Variants in EEPD1 observed in about 807,000 individuals in gnomAD.
EEPD1 encodes the protein endonuclease/exonuclease/phosphatase family domain-containing protein 1.
A neutral mutation model predicts 46.3 loss-of-function variants in EEPD1; 17 were observed. That is an observed-to-expected ratio of 0.37 (90% confidence interval 0.25 to 0.55). The LOEUF (loss-of-function observed/expected upper bound fraction) is 0.55, where lower values mean the gene tolerates loss of function less well. Among genes scored for constraint, EEPD1 ranks in the 20% least tolerant of loss-of-function variants. The pLI is 0.83. For missense variants in EEPD1, 673 were observed against 745.6 expected (o/e 0.90, Z 1.13); for synonymous variants, 313 against 315.6 (o/e 0.99, Z 0.09).
At position 36,200,616 on chromosome 7, in the gene EEPD1, T is replaced by C. The variant is rs2115701969; in HGVS notation, c.879-38369T>C. ...TTTCTCTCAAGGACATTGTGGGATG[T>C]TAGATTTGTCCTTCAGAACATTCCT... On this transcript the variant is annotated intron_variant, in intron 2 of 7. Transcript: ENST00000242108. 2.0e-5 allele frequency among the ~76,000 whole-genome samples: 3 copies of C among 152,360 alleles called. No homozygotes were observed. The Middle Eastern group carries it at 0.01, about 518-fold the overall frequency.
chr7:36,293,030 C>A (rs1447129777), intron 6 of EEPD1, among the ~76,000 whole-genome samples: 1 of 151,506 alleles, frequency 6.6e-6, no homozygotes, highest in Non-Finnish European at 1.5e-5. Context: ...AGAAAACTGC[C>A]TAGTTAAAAA....
chr7:36,160,679 G>T (rs112497580), intron 2 of EEPD1, among the ~76,000 whole-genome samples: 7 of 115,676 alleles, frequency 6.1e-5, no homozygotes, highest in African/African-American at 2.4e-4. Context: ...GAGGTGGTGG[G>T]GGGCGGGGCG....
Position 36,265,240 on chromosome 7 carries a change from T to C in EEPD1, c.931-15875T>C, listed in dbSNP as rs73690342. 6.8e-3 allele frequency among the ~76,000 whole-genome samples: 1,037 copies of C among 152,338 alleles called. 17 individuals are homozygous for C. Among genetic ancestry groups the C allele is most frequent in the African/African-American group, 0.024 (988 of 41,556 alleles). On this transcript the variant is annotated intron_variant, in intron 3 of 7. Transcript: ENST00000242108. ...CAACTCTGGCTTCTTCACAGAAATA[T>C]GCCTGGGAAGTTCTGGGAGCCTGGC...
At chr7:36,291,397 A>G (rs1188933154) in intron 6 of EEPD1, among the ~76,000 whole-genome samples, 1 of 152,114 alleles carries the variant, frequency 6.6e-6, no homozygotes, top group Non-Finnish European at 1.5e-5. Flanking sequence ...TGGCCTGGTG[A>G]CTTTGGACAA....
chr7:36,236,305 C>T lies in EEPD1; in HGVS notation c.879-2680C>T, dbSNP rs544046813. Among the ~76,000 whole-genome samples the T allele has an allele frequency of 2.1e-4, 32 of 152,284 alleles. No homozygotes were observed. In the South Asian group the frequency reaches 6.4e-3, roughly 31 times the overall value. On this transcript the variant is annotated intron_variant, in intron 2 of 7. Transcript: ENST00000242108. The stretch of plus-strand genomic sequence containing the variant: ...GGAAGTGTGAAGAGAGAGGCGCGGG[C>T]GGAAGCGGCGCTGGCGGGCCACGGG...
chr7:36,188,105 A>AT (rs1785394861), intron 2 of EEPD1, among the ~76,000 whole-genome samples: 1 of 152,054 alleles, frequency 6.6e-6, no homozygotes, highest in South Asian at 2.1e-4. Context: ...CTGTGCTGGT[A>AT]TTTTTTAAAA....
chr7:36,206,657 T>C (rs1269737692), intron 2 of EEPD1, among the ~76,000 whole-genome samples: 6 of 152,302 alleles, frequency 3.9e-5, no homozygotes, highest in Non-Finnish European at 8.8e-5. Flanking sequence ...AACAAAAGCA[T>C]TACACCTTCA....
chr7:36,173,199 G>C (rs1040814461), intron 2 of EEPD1, among the ~76,000 whole-genome samples: 1 of 151,926 alleles, frequency 6.6e-6, no homozygotes, highest in Non-Finnish European at 1.5e-5. Context: ...TAGTGAGTGA[G>C]TTCTGATGAG....
At chr7:36,271,652 T>A (rs998373972) in intron 3 of EEPD1, among the ~76,000 whole-genome samples, 2 of 147,086 alleles carry the variant, frequency 1.4e-5, no homozygotes, top group Non-Finnish European at 3.0e-5. Context: ...TTGTTGCCAT[T>A]GTTTTTGGTG....
chr7:36,197,671 AGGG>A (rs1426910940), intron 2 of EEPD1, among the ~76,000 whole-genome samples: 1 of 152,092 alleles, frequency 6.6e-6, no homozygotes, highest in Non-Finnish European at 1.5e-5. Flanking sequence ...AAATGGATTA[AGGG>A]CGGTGCAAGA....
chr7:36,171,309 C>G (rs1785075957), intron 2 of EEPD1, among the ~76,000 whole-genome samples: 1 of 123,390 alleles, frequency 8.1e-6, no homozygotes, highest in Non-Finnish European at 1.9e-5. Flanking sequence ...TGAATAGATA[C>G]ACAAAAGAGT....
At chr7:36,256,873 G>A (rs196554) in intron 3 of EEPD1, among the ~76,000 whole-genome samples, 107,457 of 152,054 alleles carry the variant, frequency 0.71, 38,321 homozygotes, top group Non-Finnish European at 0.76. Context: ...TTATGATGCT[G>A]GCTGGTTATT....
At chr7:36,260,677 T>C (rs1786907119) in intron 3 of EEPD1, among the ~76,000 whole-genome samples, 2 of 152,238 alleles carry the variant, frequency 1.3e-5, no homozygotes, top group Admixed American at 1.3e-4. Context: ...CTCGTGATAG[T>C]CTAGAAAGAT....
At chr7:36,205,224 G>T (rs947546962) in intron 2 of EEPD1, among the ~76,000 whole-genome samples, 2 of 152,228 alleles carry the variant, frequency 1.3e-5, no homozygotes, top group Non-Finnish European at 2.9e-5. Context: ...ACAAAAGCCG[G>T]AAGGAGGTTC....
chr7:36,155,035 G>C lies in EEPD1; in HGVS notation c.711G>C (p.Gly237=). The change falls in exon 2 of 8, where the codon GGG becomes GGC. Residue 237 remains glycine, a synonymous_variant. Coordinates refer to ENST00000242108, the MANE Select transcript of EEPD1 (RefSeq NM_030636.3). ...AGGACCTGGACCTGCCGCCAGGGGG[G>C]CCCACCCAGATTATCTCCACTCGGC... ...QSEDLDLPPG[G]PTQIISTRPS... is the part of the protein sequence containing the mutation. 1.2e-6 allele frequency: 2 copies of C among 1,604,164 alleles called. No homozygotes were observed. The highest frequency in any genetic ancestry group is 1.1e-5 in the South Asian group (1 of 90,094).
intron 2 of EEPD1, among the ~76,000 whole-genome samples, chr7:36,181,248 C>T (rs71535854): frequency 5.3e-5 from 8 of 152,078 alleles, no homozygotes; most frequent in African/African-American, 1.2e-4. Context: ...CACCCCACTG[C>T]CTTGATTTCC....
intron 3 of EEPD1, among the ~76,000 whole-genome samples, chr7:36,266,880 A>G (rs1787027692): frequency 2.0e-5 from 3 of 152,202 alleles, no homozygotes; most frequent in African/African-American, 2.4e-5. Context: ...AATGTGTTCA[A>G]GGTTCATCCA....
chr7:36,270,260 T>C (rs1265755890), intron 3 of EEPD1, among the ~76,000 whole-genome samples: 1 of 152,204 alleles, frequency 6.6e-6, no homozygotes. Flanking sequence ...CTCTATTTTA[T>C]AAATTATCCT....
chr7:36,251,251 C>T (rs565338959), intron 3 of EEPD1, among the ~76,000 whole-genome samples: 2 of 152,174 alleles, frequency 1.3e-5, no homozygotes, highest in South Asian at 2.1e-4. Flanking sequence ...TTTGCCTTCC[C>T]GTCATTTTTG....
Sources: gnomAD v4.1 joint callset for allele counts (sites outside exome capture counted in the v4.1 genomes callset) on GRCh38, gnomAD v4.1.1 for gene constraint, MANE v1.5 for transcripts, NCBI Gene and HGNC (gene_info 2026-07-23, HGNC 2026-07-21) for gene names.